The following SLC5A10 variants were observed in gnomAD, a reference collection of about 807,000 sequenced individuals.
The protein encoded by SLC5A10 is solute carrier family 5 member 10, also known as sodium/mannose cotransporter SLC5A10.
Under a neutral mutation model 68.9 loss-of-function variants are expected in SLC5A10, and 55 were observed. The ratio of observed to expected loss-of-function variants is 0.80; its 90% CI spans 0.64 to 1.00. SLC5A10 has a LOEUF of 1.00. Among genes scored for constraint, SLC5A10 ranks in the 50% least tolerant of loss-of-function variants. SLC5A10 has a pLI of 0.00. For synonymous variants in SLC5A10, 344 were observed against 344.8 expected, an observed-to-expected ratio of 1.00 and a Z score of 0.02; for missense variants, 732 against 819.3, an observed-to-expected ratio of 0.89 and a Z score of 1.30.
intron 5 of SLC5A10, among the ~76,000 whole-genome samples, chr17:18,962,589 G>A (rs561989075): frequency 6.0e-4 from 91 of 152,296 alleles, no homozygotes; most frequent in African/African-American, 2.2e-3. Flanking sequence ...GATGAGGCAA[G>A]GGAGGTCTGA....
intron 14 of SLC5A10, 48 bp downstream of exon 14, chr17:19,020,260 G>A: frequency 6.2e-7 from 1 of 1,613,546 alleles, no homozygotes; most frequent in Non-Finnish European, 8.5e-7. Context: ...CTGGCCTGGA[G>A]GCAAGGGCAC....
In SLC5A10 at chr17:18,952,272, G is replaced by A. The variant is rs773745208; in HGVS notation, c.67G>A (p.Val23Ile). 10 of 1,613,898 alleles carry A rather than the reference G, an allele frequency of 6.2e-6. No individual in the cohort carries two copies. The highest frequency in any genetic ancestry group is 4.5e-5 in the East Asian group (2 of 44,876). Residue 23 changes from valine (V) to isoleucine (I), a missense_variant, in exon 1 of 15, where the codon GTC (valine) becomes ATC (isoleucine). Physicochemically the swap from Val to Ile is conservative, Grantham distance 29 (BLOSUM62 3). Coordinates refer to ENST00000395645, the MANE Select transcript of SLC5A10 (RefSeq NM_001042450.4). ...GCAGCTGAGCGTGGCTGACATCATC[G>A]TCATCACTGTGTATTTTGCTCTGAA... is the stretch of plus-strand genomic sequence containing the variant. Reference protein sequence around the residue: ...GTQLSVADIIVITVYFALNVA... With the variant: ...GTQLSVADIIIITVYFALNVA...
intron 9 of SLC5A10, among the ~76,000 whole-genome samples, chr17:18,992,753 T>C (rs1364030799): frequency 2.0e-5 from 3 of 152,178 alleles, no homozygotes; most frequent in African/African-American, 7.2e-5. Context: ...AGGCCCTTCG[T>C]CTCTGATGTC....
In SLC5A10 at chr17:19,003,861, C is replaced by T; in HGVS notation, c.983-9549C>T. ...TCCAGGATGCGCTTGAGCTCCAGCT[C>T]CGAGAGGAAGTCTCGGATGTTCTCC... On this transcript the variant is annotated intron_variant, in intron 9 of 14. Coordinates refer to ENST00000395645, the MANE Select transcript of SLC5A10 (RefSeq NM_001042450.4). The surrounding 1 kb of genome is among the most constrained non-coding windows in gnomAD (Gnocchi z 4.5). The T allele has an allele frequency of 6.2e-7, 1 of 1,613,066 alleles. No homozygotes were observed. Among genetic ancestry groups the T allele is most frequent in the Non-Finnish European group, 8.5e-7 (1 of 1,179,938 alleles).
At chr17:18,984,132 G>A (rs1215462976) in intron 9 of SLC5A10, among the ~76,000 whole-genome samples, 2 of 152,014 alleles carry the variant, frequency 1.3e-5, no homozygotes, top group Non-Finnish European at 2.9e-5. Context: ...CACGAGGTCA[G>A]CAGATCGAGA....
At chr17:18,983,119 T>C (rs2043179977) in intron 9 of SLC5A10, among the ~76,000 whole-genome samples, 1 of 152,026 alleles carries the variant, frequency 6.6e-6, no homozygotes, top group South Asian at 2.1e-4. Context: ...ACTGGGTGGG[T>C]GGTTGGTGGG....
rs2044167730 is a variant in SLC5A10, at chr17:19,017,607, T to C, written c.1242-1816T>C. ...TGACCCGCCCCCACTCCCGTATGCC[T>C]GCCCCAAGCCCCCACACCTCAGTCC... On this transcript the variant is annotated intron_variant, in intron 11 of 14. Transcript: ENST00000395645. The surrounding 1 kb of genome is among the most constrained non-coding windows in gnomAD (Gnocchi z 5.6). 1.8e-6 allele frequency: 1 copy of C among 543,316 alleles called. No homozygotes were observed. Among genetic ancestry groups the C allele is most frequent in the African/African-American group, 1.9e-5 (1 of 51,588 alleles). 33.7% of individuals were successfully genotyped at this position (543,316 alleles called of 1,614,324 possible).
intron 9 of SLC5A10, among the ~76,000 whole-genome samples, chr17:19,005,804 AG>A (rs1433360568): frequency 6.6e-6 from 1 of 152,164 alleles, no homozygotes; most frequent in Admixed American, 6.5e-5. Flanking sequence ...TCTGCCATAT[AG>A]CCCCCCAAGG....
In SLC5A10 at chr17:18,958,723, C is replaced by G; in HGVS notation, c.153C>G (p.Phe51Leu). Residue 51 changes from phenylalanine to leucine, a missense_variant, in exon 2 of 15, where the codon TTC becomes TTG. Physicochemically the swap from Phe to Leu is conservative, Grantham distance 22. Transcript: ENST00000395645. The stretch of plus-strand genomic sequence containing the variant: ...GTAGGAACACGGTGAATGGCTACTT[C>G]CTGGCAGGCCGGGACATGACGTGGT... ...RASRNTVNGY[F>L]LAGRDMTWWP... The G allele has an allele frequency of 6.2e-7, 1 of 1,614,220 alleles. No homozygotes were observed. The highest frequency in any genetic ancestry group is 8.5e-7 in the Non-Finnish European group (1 of 1,180,044).
upstream of SLC5A10, among the ~76,000 whole-genome samples, chr17:18,951,448 G>A (rs973166296): frequency 9.9e-5 from 15 of 151,282 alleles, no homozygotes; most frequent in African/African-American, 3.6e-4. Flanking sequence ...GAACAGCCAC[G>A]CATGGTCCGT....
At chr17:19,008,453 A>C (rs1244432662) in intron 9 of SLC5A10, among the ~76,000 whole-genome samples, 1 of 151,224 alleles carries the variant, frequency 6.6e-6, no homozygotes, top group Admixed American at 6.6e-5. Context: ...TGGCCTATAG[A>C]TGTTCTCAGA....
In SLC5A10 at chr17:19,003,853, C is replaced by G; in HGVS notation, c.983-9557C>G. 6.2e-7 allele frequency: 1 copy of G among 1,613,054 alleles called. No homozygotes were observed. The highest frequency in any genetic ancestry group is 8.5e-7 in the Non-Finnish European group (1 of 1,179,950). ...CGATGGTCTCCAGGATGCGCTTGAG[C>G]TCCAGCTCCGAGAGGAAGTCTCGGA... On this transcript the variant is annotated intron_variant, in intron 9 of 14. Transcript: ENST00000395645. This position sits in a 1 kb window ranked among gnomAD's most constrained non-coding sequence, Gnocchi z 4.5.
At chr17:18,991,611 C>T (rs533275348) in intron 9 of SLC5A10, among the ~76,000 whole-genome samples, 4 of 152,320 alleles carry the variant, frequency 2.6e-5, no homozygotes, top group South Asian at 2.1e-4. Context: ...GAGCTTGTTC[C>T]GCTCCTGAGG....
intron 9 of SLC5A10, chr17:18,978,577 G>C (rs779473423): frequency 6.8e-6 from 11 of 1,613,188 alleles, no homozygotes; most frequent in African/African-American, 6.7e-5. Flanking sequence ...TCTCAGAGGA[G>C]ATCTTGGCAA....
At chr17:18,967,503 G>A (rs760626684) in intron 5 of SLC5A10, among the ~76,000 whole-genome samples, 2 of 152,250 alleles carry the variant, frequency 1.3e-5, no homozygotes, top group African/African-American at 2.4e-5. Flanking sequence ...CTCAGAGGCA[G>A]CTAAGTGCTG....
At chr17:18,993,389 C>T (rs1175658783) in intron 9 of SLC5A10, among the ~76,000 whole-genome samples, 1 of 152,228 alleles carries the variant, frequency 6.6e-6, no homozygotes, top group Non-Finnish European at 1.5e-5. Context: ...TCTTCTCAGG[C>T]ACAGCAATGG....
chr17:19,009,918 A>C (rs939981516), intron 9 of SLC5A10, among the ~76,000 whole-genome samples: 1 of 152,144 alleles, frequency 6.6e-6, no homozygotes, highest in African/African-American at 2.4e-5. Context: ...GGATAAATCC[A>C]GGGAAGGGCA....
In SLC5A10 at chr17:18,971,610, G is replaced by A. The variant is rs746792856; in HGVS notation, c.846+392G>A. ...CCTCCCTTGGCCTGCCAGTGGTGGG[G>A]GCCAGCCATGGCTGGGCCAGCGTTT... On this transcript the variant is annotated intron_variant, in intron 8 of 14. Coordinates refer to ENST00000395645, the MANE Select transcript of SLC5A10 (RefSeq NM_001042450.4). This position sits in a 1 kb window ranked among gnomAD's most constrained non-coding sequence, Gnocchi z 5.5. 4 of 1,613,402 alleles carry A rather than the reference G, an allele frequency of 2.5e-6. No individual in the cohort carries two copies. Among genetic ancestry groups the A allele is most frequent in the Non-Finnish European group, 2.5e-6 (3 of 1,179,980 alleles).
At chr17:18,977,802 C>T (rs2152008719) in intron 9 of SLC5A10, 1 of 1,603,492 alleles carries the variant, frequency 6.2e-7, no homozygotes, top group Admixed American at 1.7e-5. Context: ...TGCTCTCTCA[C>T]CTCGAAGTAC....
Sources: allele counts gnomAD v4.1 joint callset (sites outside exome capture counted in the v4.1 genomes callset), GRCh38; gene constraint gnomAD v4.1.1; non-coding constraint Gnocchi (gnomAD v3.1); transcripts MANE v1.5; gene names NCBI Gene and HGNC (gene_info 2026-07-23, HGNC 2026-07-21).